The following PITPNM2 variants were observed in gnomAD, a reference collection of about 807,000 sequenced individuals.
The protein encoded by PITPNM2 is phosphatidylinositol transfer protein membrane associated 2.
PITPNM2 carries 35 observed loss-of-function variants against 132.2 expected under a neutral mutation model. That is an observed-to-expected ratio of 0.26 (90% CI 0.20 to 0.35). The LOEUF (loss-of-function observed/expected upper bound fraction) is 0.35, where lower values mean the gene tolerates loss of function less well. PITPNM2 is among the 10% of genes least tolerant of loss of function. The probability of loss-of-function intolerance (pLI) is 1.00; values close to 1 mark genes in which losing one functional copy is unlikely to be tolerated. For synonymous variants in PITPNM2, 738 were observed against 799.2 expected, an observed-to-expected ratio of 0.92 and a Z score of 1.29; for missense variants, 1,332 against 1,912.0, an observed-to-expected ratio of 0.70 and a Z score of 5.66.
At chr12:123,143,137 G>A (rs796583487) in intron 1 of PITPNM2, among the ~76,000 whole-genome samples, 7 of 53,718 alleles carry the variant, frequency 1.3e-4, no homozygotes, top group African/African-American at 4.7e-4. Flanking sequence ...CCCCTCCCTC[G>A]ATCCCTCCCT....
rs115519242 is a variant in PITPNM2, at chr12:123,026,131, C to T, written c.78+8382G>A. Among the ~76,000 whole-genome samples the T allele has an allele frequency of 2.0e-3, 307 of 152,314 alleles. 2 individuals carry two copies. Among genetic ancestry groups the T allele is most frequent in the African/African-American group, 7.1e-3 (297 of 41,564 alleles). On this transcript the variant is annotated intron_variant, in intron 3 of 25. Coordinates refer to ENST00000320201, the MANE Select transcript of PITPNM2 (RefSeq NM_020845.3). ...CTAGTCCCAACTCTGTGACCAGCTC[C>T]CTCTCCTCCTGGACAAGTCACTTCT...
rs1479265239 is a variant in PITPNM2, at chr12:123,023,243, G to C, written c.79-9201C>G. ...AACTGAGGGCTGTGCTCCCTGTGAG[G>C]GGCTCACTGAAGCTGCCACTCAGAA... On this transcript the variant is annotated intron_variant, in intron 3 of 25. Coordinates refer to ENST00000320201, the MANE Select transcript of PITPNM2 (RefSeq NM_020845.3). The surrounding 1 kb of genome is among the most constrained non-coding windows in gnomAD (Gnocchi z 4.8). Among the ~76,000 whole-genome samples the C allele has an allele frequency of 6.6e-6, 1 of 152,180 alleles. No individual in the cohort carries two copies. The highest frequency in any genetic ancestry group is 1.5e-5 in the Non-Finnish European group (1 of 68,024).
At chr12:123,055,314 T>C (rs1353679859) in intron 2 of PITPNM2, among the ~76,000 whole-genome samples, 1 of 152,194 alleles carries the variant, frequency 6.6e-6, no homozygotes, top group Non-Finnish European at 1.5e-5. Context: ...CACCCTTTCA[T>C]CATGTGCAGA....
chr12:123,048,700 C>A (rs2040753180), intron 2 of PITPNM2, among the ~76,000 whole-genome samples: 1 of 152,144 alleles, frequency 6.6e-6, no homozygotes, highest in Non-Finnish European at 1.5e-5. Context: ...GCGTGAGCCA[C>A]CGCGCCCGGC....
Position 123,000,852 on chromosome 12 carries a change from C to CA in PITPNM2, c.1154-5dup. 1 of 1,614,036 alleles carries CA rather than the reference C, an allele frequency of 6.2e-7. No homozygotes were observed. The highest frequency in any genetic ancestry group is 1.1e-5 in the South Asian group (1 of 91,078). ...GCACCCTGGCGGTACAGACCATCTG[C>CA]AAAGACACAGAAGCCGTGCTGTGAG... On this transcript the variant is annotated splice_polypyrimidine_tract_variant and splice_region_variant and intron_variant, in intron 9 of 25. Transcript: ENST00000320201. The surrounding 1 kb of genome is among the most constrained non-coding windows in gnomAD (Gnocchi z 5.4).
chr12:123,096,889 C>A (rs1377182306), intron 2 of PITPNM2, among the ~76,000 whole-genome samples: 1 of 152,154 alleles, frequency 6.6e-6, no homozygotes, highest in Non-Finnish European at 1.5e-5. Flanking sequence ...GGCCCCTCTG[C>A]AGCAAAAACG....
chr12:123,011,788 C>G (rs567505814), intron 5 of PITPNM2, among the ~76,000 whole-genome samples: 1 of 152,300 alleles, frequency 6.6e-6, no homozygotes, highest in South Asian at 2.1e-4. Flanking sequence ...TGAACAGAGT[C>G]TTCCCCAGGG....
At chr12:123,120,344 TCTGGTCTAATAG>T (rs1006385692) in intron 1 of PITPNM2, among the ~76,000 whole-genome samples, 1 of 152,132 alleles carries the variant, frequency 6.6e-6, no homozygotes, top group African/African-American at 2.4e-5. Flanking sequence ...TAAGCAGCAT[TCTGGTCTAATAG>T]TCACAGGTTG....
At chr12:123,115,572 C>G (rs188153782) in intron 1 of PITPNM2, among the ~76,000 whole-genome samples, 5 of 152,038 alleles carry the variant, frequency 3.3e-5, no homozygotes, top group African/African-American at 1.2e-4. Context: ...CACATGCACA[C>G]ACACACACAT....
intron 3 of PITPNM2, among the ~76,000 whole-genome samples, chr12:123,014,589 G>C (rs1451346397): frequency 6.6e-6 from 1 of 152,092 alleles, no homozygotes; most frequent in Admixed American, 6.5e-5. Context: ...TGTAGCCCCA[G>C]GTACTCAAAG....
chr12:123,145,122 G>A (rs952924276), intron 1 of PITPNM2, among the ~76,000 whole-genome samples: 2 of 152,126 alleles, frequency 1.3e-5, no homozygotes, highest in Non-Finnish European at 2.9e-5. Context: ...GCTGCAGTGA[G>A]CAATGATTGC....
In PITPNM2 at chr12:123,150,394, G is replaced by A. The variant is rs1215330774; in HGVS notation, c.-200+359C>T. 2.0e-5 allele frequency among the ~76,000 whole-genome samples: 3 copies of A among 151,086 alleles called. No individual in the cohort carries two copies. The highest frequency in any genetic ancestry group is 4.4e-5 in the Non-Finnish European group (3 of 67,740). On this transcript the variant is annotated intron_variant, in intron 1 of 25. Coordinates refer to ENST00000320201, the MANE Select transcript of PITPNM2 (RefSeq NM_020845.3). This position sits in a 1 kb window ranked among gnomAD's most constrained non-coding sequence, Gnocchi z 6.0. Reference sequence around the variant, plus strand: ...TCCCGATAGCCCCTTCCTCGCCCTGGCACCGGCACTGCCCACGCCTGCCCC... The same window carrying A: ...TCCCGATAGCCCCTTCCTCGCCCTGACACCGGCACTGCCCACGCCTGCCCC...
intron 10 of PITPNM2, among the ~76,000 whole-genome samples, chr12:122,998,955 A>T (rs1288953523): frequency 1.3e-5 from 2 of 152,166 alleles, no homozygotes; most frequent in Non-Finnish European, 2.9e-5. Context: ...TACCAAAAAT[A>T]CAAAAATTAG....
intron 2 of PITPNM2, among the ~76,000 whole-genome samples, chr12:123,062,135 T>A (rs903313994): frequency 6.6e-6 from 1 of 152,066 alleles, no homozygotes; most frequent in Non-Finnish European, 1.5e-5. Flanking sequence ...CTGCTTCCCA[T>A]TTCAACAAAT....
At position 123,100,201 on chromosome 12, in the gene PITPNM2, C is replaced by T. The variant is rs915881832; in HGVS notation, c.-96+10184G>A. Among the ~76,000 whole-genome samples the T allele has an allele frequency of 4.6e-5, 7 of 152,208 alleles. No individual in the cohort carries two copies. The South Asian group carries it at 6.2e-4, about 14-fold the overall frequency. On this transcript the variant is annotated intron_variant, in intron 2 of 25. Coordinates refer to ENST00000320201, the MANE Select transcript of PITPNM2 (RefSeq NM_020845.3). ...TCCATGCAGATAAAACAATGTGCAA[C>T]GTAAAATGCTGCAGCCTCTCTGGAA... is the stretch of plus-strand genomic sequence containing the variant.
intron 3 of PITPNM2, among the ~76,000 whole-genome samples, chr12:123,027,997 A>G (rs2039927355): frequency 6.6e-6 from 1 of 152,190 alleles, no homozygotes; most frequent in African/African-American, 2.4e-5. Flanking sequence ...CCATTCCCCT[A>G]AACAGTGCTG....
chr12:123,062,763 A>T (rs1041251323), intron 2 of PITPNM2, among the ~76,000 whole-genome samples: 1 of 152,208 alleles, frequency 6.6e-6, no homozygotes, highest in Non-Finnish European at 1.5e-5. Context: ...AGTTACAAAA[A>T]AGTGTCTGGT....
At chr12:123,091,624 A>G (rs2042272520) in intron 2 of PITPNM2, 1 of 152,154 alleles carries the variant, frequency 6.6e-6, no homozygotes, top group South Asian at 2.1e-4. Context: ...AGAGAGGTGC[A>G]TTTGAGCACT....
chr12:123,116,212 T>C (rs1266034742), intron 1 of PITPNM2, among the ~76,000 whole-genome samples: 1 of 152,220 alleles, frequency 6.6e-6, no homozygotes, highest in Non-Finnish European at 1.5e-5. Context: ...GAAAGCAGGA[T>C]GCAAACAGGT....
Sources: allele counts gnomAD v4.1 joint callset (sites outside exome capture counted in the v4.1 genomes callset), GRCh38; gene constraint gnomAD v4.1.1; non-coding constraint Gnocchi (gnomAD v3.1); transcripts MANE v1.5; gene names NCBI Gene and HGNC (gene_info 2026-07-23, HGNC 2026-07-21).